BBS9: variants seen among roughly 807,000 people sequenced by gnomAD.
BBS9 encodes Bardet-Biedl syndrome 9.
BBS9 carries 89 observed loss-of-function variants against 117.7 expected under a neutral mutation model. That is an observed-to-expected ratio of 0.76 (90% confidence interval 0.64 to 0.90). The LOEUF (loss-of-function observed/expected upper bound fraction) is 0.90, where lower values mean the gene tolerates loss of function less well. Among genes scored for constraint, BBS9 ranks in the 40% least tolerant of loss-of-function variants. BBS9 has a pLI of 0.00. For synonymous variants in BBS9, 379 were observed against 370.9 expected (o/e 1.02, Z -0.25); for missense variants, 982 against 1,042.2 (o/e 0.94, Z 0.80).
chr7:33,518,786 A>T (rs1166351800), intron 20 of BBS9, among the ~76,000 whole-genome samples: 1 of 152,168 alleles, frequency 6.6e-6, no homozygotes, highest in Non-Finnish European at 1.5e-5. Context: ...CATCACTATT[A>T]CTCTACAGTT....
chr7:33,292,228 G>GT (rs370951335), intron 9 of BBS9, among the ~76,000 whole-genome samples: 22,804 of 149,782 alleles, frequency 0.15, 1,892 homozygotes, highest in South Asian at 0.19. Context: ...ACTTAAAAAT[G>GT]TTTTTTTTTT....
At chr7:33,604,103 T>C (rs568145229) in intron 21 of BBS9, among the ~76,000 whole-genome samples, 1 of 152,282 alleles carries the variant, frequency 6.6e-6, no homozygotes, top group Admixed American at 6.5e-5. Flanking sequence ...GAAAAAAGCA[T>C]GTACAGTATA....
At chr7:33,269,857 T>C (rs1305252299) in intron 7 of BBS9, among the ~76,000 whole-genome samples, 2 of 151,938 alleles carry the variant, frequency 1.3e-5, no homozygotes, top group African/African-American at 4.8e-5. Flanking sequence ...ACCCTGTCTC[T>C]ACTAAAAATA....
chr7:33,494,298 C>T (rs1157338602), intron 19 of BBS9, among the ~76,000 whole-genome samples: 3 of 152,034 alleles, frequency 2.0e-5, no homozygotes, highest in Non-Finnish European at 4.4e-5. Flanking sequence ...AATTATCTGG[C>T]CCCAAATGTC....
At chr7:33,258,643 C>T (rs1797471469) in intron 6 of BBS9, among the ~76,000 whole-genome samples, 1 of 152,056 alleles carries the variant, frequency 6.6e-6, no homozygotes, top group African/African-American at 2.4e-5. Context: ...TTTACTCAAG[C>T]CTGCCAAACT....
At chr7:33,331,690 C>T (rs545420323) in intron 9 of BBS9, among the ~76,000 whole-genome samples, 1 of 146,796 alleles carries the variant, frequency 6.8e-6, no homozygotes, top group South Asian at 2.2e-4. Flanking sequence ...CACACACACA[C>T]AACTCCCCCC....
At chr7:33,275,858 T>C (rs1800671634) in intron 9 of BBS9, among the ~76,000 whole-genome samples, 1 of 152,168 alleles carries the variant, frequency 6.6e-6, no homozygotes, top group African/African-American at 2.4e-5. Flanking sequence ...AACTTATGAG[T>C]TAACAGTCAA....
intron 1 of BBS9, among the ~76,000 whole-genome samples, chr7:33,138,764 T>TG (rs150822953): frequency 0.014 from 2,072 of 149,350 alleles, 56 homozygotes; most frequent in African/African-American, 0.048. Context: ...TTTTTTTTGG[T>TG]GGGGGGGAAA....
Position 33,461,544 on chromosome 7 carries a change from C to T in BBS9, c.2116-43919C>T, listed in dbSNP as rs535314228. ...TTTGTAAGACTCTCAGAAAAAGATT[C>T]CAGGCTTTTAATTTCTAGTCTTCCG... On this transcript the variant is annotated intron_variant, in intron 19 of 22. Transcript: ENST00000242067. Among the ~76,000 whole-genome samples the T allele has an allele frequency of 1.5e-4, 23 of 151,820 alleles. 1 individual carries two copies. In the South Asian group the frequency reaches 4.8e-3, roughly 32 times the overall value.
chr7:33,285,544 G>A (rs1050570503), intron 9 of BBS9, among the ~76,000 whole-genome samples: 19 of 152,128 alleles, frequency 1.2e-4, no homozygotes, highest in African/African-American at 4.1e-4. Flanking sequence ...GATGGTCATC[G>A]TTACATGCAT....
At position 33,426,366 on chromosome 7, in the gene BBS9, C is replaced by T. The variant is rs528757799; in HGVS notation, c.2115+38222C>T. On this transcript the variant is annotated intron_variant, in intron 19 of 22. Transcript: ENST00000242067. The stretch of plus-strand genomic sequence containing the variant: ...ACAGAGGGACTCTGTAATGTTTTGC[C>T]TTCAATAACTTAATGCTTTTAAAGA... Among the ~76,000 whole-genome samples the T allele has an allele frequency of 8.5e-5, 13 of 152,202 alleles. No homozygotes were observed. In the South Asian group the frequency reaches 2.7e-3, roughly 32 times the overall value.
chr7:33,406,886 C>G (rs1206351539), intron 19 of BBS9, among the ~76,000 whole-genome samples: 1 of 152,172 alleles, frequency 6.6e-6, no homozygotes, highest in Admixed American at 6.5e-5. Flanking sequence ...TTCGTTTCAA[C>G]TTTGGTGAAT....
At position 33,492,421 on chromosome 7, in the gene BBS9, C is replaced by T. The variant is rs1180078838; in HGVS notation, c.2116-13042C>T. Among the ~76,000 whole-genome samples the T allele has an allele frequency of 2.0e-5, 3 of 151,994 alleles. No individual in the cohort carries two copies. In the East Asian group the frequency reaches 5.8e-4, roughly 29 times the overall value. On this transcript the variant is annotated intron_variant, in intron 19 of 22. Coordinates refer to ENST00000242067, the MANE Select transcript of BBS9 (RefSeq NM_198428.3). ...TGAAGCTTAAAGACGTCGAGGACCT[C>T]CTGGGATTAAATTACCAGAGCCCAG...
At chr7:33,129,287 G>C (rs1013761145), upstream of BBS9, 19 of 553,168 alleles carry the variant, frequency 3.4e-5, no homozygotes, top group African/African-American at 9.6e-5. Context: ...ACGCGGCCGG[G>C]GGGGCGTGGC....
At chr7:33,469,306 T>C (rs746293487) in intron 19 of BBS9, among the ~76,000 whole-genome samples, 1 of 152,160 alleles carries the variant, frequency 6.6e-6, no homozygotes, top group Non-Finnish European at 1.5e-5. Context: ...CTTTTCCCCC[T>C]ATCTAGGAAG....
intron 4 of BBS9, among the ~76,000 whole-genome samples, chr7:33,172,018 A>AG (rs34008812): frequency 0.49 from 74,392 of 151,514 alleles, 18,420 homozygotes; most frequent in East Asian, 0.67. Flanking sequence ...GTAGGCAAGC[A>AG]GGAAAGCAGG....
At chr7:33,528,888 C>T (rs1204061577) in intron 20 of BBS9, among the ~76,000 whole-genome samples, 1 of 152,150 alleles carries the variant, frequency 6.6e-6, no homozygotes, top group Non-Finnish European at 1.5e-5. Flanking sequence ...TGGTCGATAC[C>T]CTAGGAAATT....
chr7:33,536,681 T>TCCCCCCCCCCCCCCC (rs1563323298), intron 21 of BBS9, among the ~76,000 whole-genome samples: 7 of 44,286 alleles, frequency 1.6e-4, no homozygotes, highest in African/African-American at 3.7e-4. Context: ...GATTCGGCCT[T>TCCCCCCCCCCCCCCC]CCCCCCGCCC....
At chr7:33,481,226 T>C (rs1227278343) in intron 19 of BBS9, among the ~76,000 whole-genome samples, 2 of 152,178 alleles carry the variant, frequency 1.3e-5, no homozygotes, top group Non-Finnish European at 2.9e-5. Flanking sequence ...GTAGTGGGAA[T>C]ACTCAGAGTA....
Sources: allele counts gnomAD v4.1 joint callset (sites outside exome capture counted in the v4.1 genomes callset), GRCh38; gene constraint gnomAD v4.1.1; transcripts MANE v1.5; gene names NCBI Gene and HGNC (gene_info 2026-07-23, HGNC 2026-07-21).